Variants in DLGAP1 observed in about 807,000 individuals in gnomAD.
DLGAP1 encodes the protein disks large-associated protein 1.
A neutral mutation model predicts 90.8 loss-of-function variants in DLGAP1; 11 were observed. The observed-to-expected ratio is 0.12, with a 90% confidence interval of 0.08 to 0.20. The LOEUF is 0.20. Ranked by LOEUF, DLGAP1 falls within the 10% of genes least tolerant of loss-of-function variation. DLGAP1 has a pLI of 1.00. For missense variants in DLGAP1, 1,050 were observed against 1,333.8 expected (o/e 0.79, Z 3.31); for synonymous variants, 558 against 540.7 (o/e 1.03, Z -0.44).
At chr18:3,673,575 T>C (rs958846444) in intron 7 of DLGAP1, among the ~76,000 whole-genome samples, 8 of 152,072 alleles carry the variant, frequency 5.3e-5, no homozygotes, top group Non-Finnish European at 8.8e-5. Flanking sequence ...TTGGATGGAG[T>C]CTCACTCTTC....
chr18:3,800,347 G>C (rs937719311), intron 5 of DLGAP1, among the ~76,000 whole-genome samples: 2 of 152,092 alleles, frequency 1.3e-5, no homozygotes, highest in Admixed American at 1.3e-4. Context: ...GTTATAACTA[G>C]GCCTTTTTGT....
At chr18:3,575,719 C>T (rs2055083124) in intron 8 of DLGAP1, among the ~76,000 whole-genome samples, 1 of 152,150 alleles carries the variant, frequency 6.6e-6, no homozygotes, top group Non-Finnish European at 1.5e-5. Context: ...CTAAAGGTGC[C>T]TATGACTTTT....
Position 4,452,593 on chromosome 18 carries a change from T to C in DLGAP1, c.-267+2413A>G, listed in dbSNP as rs890231029. 4.6e-5 allele frequency among the ~76,000 whole-genome samples: 7 copies of C among 152,170 alleles called. No homozygotes were observed. In the East Asian group the frequency reaches 1.3e-3, roughly 29 times the overall value. On this transcript the variant is annotated intron_variant, in intron 1 of 12. Coordinates refer to ENST00000315677, the MANE Select transcript of DLGAP1 (RefSeq NM_004746.4). Reference sequence around the variant, plus strand: ...TTGGGTTGAATAGGACACTTAAGCTTAGAAGGATTTAAAAAGTAGAACACT... The same window carrying C: ...TTGGGTTGAATAGGACACTTAAGCTCAGAAGGATTTAAAAAGTAGAACACT...
At chr18:3,610,553 A>G (rs1475737817) in intron 7 of DLGAP1, among the ~76,000 whole-genome samples, 2 of 152,064 alleles carry the variant, frequency 1.3e-5, no homozygotes, top group Non-Finnish European at 2.9e-5. Context: ...GCATCAACTC[A>G]GCCAGGGGCA....
chr18:4,374,557 A>G (rs1195807638), intron 1 of DLGAP1, among the ~76,000 whole-genome samples: 3 of 152,020 alleles, frequency 2.0e-5, no homozygotes, highest in Non-Finnish European at 4.4e-5. Context: ...GTTGAAAAAG[A>G]GTAAAAAAAA....
chr18:4,262,903 A>T (rs1333656972), intron 1 of DLGAP1, among the ~76,000 whole-genome samples: 1 of 152,112 alleles, frequency 6.6e-6, no homozygotes, highest in Non-Finnish European at 1.5e-5. Context: ...GTAAGTATTC[A>T]CAATATTGCC....
chr18:3,931,885 T>G (rs532120973), intron 3 of DLGAP1, among the ~76,000 whole-genome samples: 6 of 152,322 alleles, frequency 3.9e-5, no homozygotes, highest in African/African-American at 1.2e-4. Flanking sequence ...AAAACCACCT[T>G]GGCCTTGATG....
At chr18:3,635,419 G>A (rs771537518) in intron 7 of DLGAP1, among the ~76,000 whole-genome samples, 8 of 151,382 alleles carry the variant, frequency 5.3e-5, no homozygotes, top group Admixed American at 6.6e-5. Flanking sequence ...GATTACAGGC[G>A]TGAGCCACCG....
chr18:4,269,660 T>C (rs1208727590), intron 1 of DLGAP1, among the ~76,000 whole-genome samples: 6 of 152,114 alleles, frequency 3.9e-5, no homozygotes, highest in African/African-American at 1.4e-4. Context: ...GGCCATATTC[T>C]ATTATTATTT....
intron 1 of DLGAP1, among the ~76,000 whole-genome samples, chr18:4,168,484 C>T (rs892184730): frequency 6.6e-6 from 1 of 152,130 alleles, no homozygotes; most frequent in Non-Finnish European, 1.5e-5. Context: ...GTCACCACCA[C>T]TATCTATATT....
At chr18:4,280,569 C>CT (rs2145426156) in intron 1 of DLGAP1, among the ~76,000 whole-genome samples, 1 of 152,322 alleles carries the variant, frequency 6.6e-6, no homozygotes, top group South Asian at 2.1e-4. Flanking sequence ...CAGTTCCACA[C>CT]TGTCCCTCTT....
At position 4,019,807 on chromosome 18, in the gene DLGAP1, G is replaced by A. The variant is rs530680985; in HGVS notation, c.-158-14606C>T. On this transcript the variant is annotated intron_variant, in intron 2 of 12. Transcript: ENST00000315677. ...GGAAACGAGACACATAGGCGCGCGC[G>A]TGTGCGCGCACACACACACACATAC... Among the ~76,000 whole-genome samples, 12 of 141,724 alleles carry A rather than the reference G, an allele frequency of 8.5e-5. No homozygotes were observed. The South Asian group carries it at 1.0e-3, about 12-fold the overall frequency. The allele number at this position is 141,724 out of a possible 152,430, so 93.0% of individuals were successfully genotyped here. A position where few individuals can be genotyped will look rare whatever the true frequency, so the allele number is the denominator to read the frequency against.
At chr18:4,393,077 T>A (rs1421128916) in intron 1 of DLGAP1, among the ~76,000 whole-genome samples, 1 of 152,226 alleles carries the variant, frequency 6.6e-6, no homozygotes, top group Non-Finnish European at 1.5e-5. Flanking sequence ...CACGTGGTTG[T>A]CAAATTCCTA....
chr18:4,340,942 T>C (rs1372760267), intron 1 of DLGAP1, among the ~76,000 whole-genome samples: 1 of 151,932 alleles, frequency 6.6e-6, no homozygotes, highest in East Asian at 1.9e-4. Context: ...AAAAATTATA[T>C]AAGGAAAATT....
chr18:3,714,825 G>A (rs111512127), intron 7 of DLGAP1, among the ~76,000 whole-genome samples: 39 of 151,900 alleles, frequency 2.6e-4, no homozygotes, highest in Non-Finnish European at 4.6e-4. Flanking sequence ...TAGTAGAGAC[G>A]GGGTTTCGCC....
intron 1 of DLGAP1, among the ~76,000 whole-genome samples, chr18:4,307,292 C>G (rs1397827286): frequency 1.3e-5 from 2 of 152,106 alleles, no homozygotes; most frequent in African/African-American, 4.8e-5. Flanking sequence ...CTTTTCCCTT[C>G]TGCTTGGATA....
intron 7 of DLGAP1, among the ~76,000 whole-genome samples, chr18:3,683,656 A>G (rs886710284): frequency 6.6e-6 from 1 of 152,182 alleles, no homozygotes; most frequent in African/African-American, 2.4e-5. Context: ...CAGACAAAGG[A>G]TTATCATCAT....
Position 3,957,894 on chromosome 18 carries a change from C to CT in DLGAP1, c.-73+47221dup, listed in dbSNP as rs1290209868. 7.6e-3 allele frequency among the ~76,000 whole-genome samples: 1,064 copies of CT among 139,240 alleles called. 12 individuals are homozygous for CT. The highest frequency in any genetic ancestry group is 0.019 in the African/African-American group (728 of 38,242). 91.3% of individuals were successfully genotyped at this position (139,240 alleles called of 152,430 possible). On this transcript the variant is annotated intron_variant, in intron 3 of 12. Transcript: ENST00000315677. ...TTTTTACATTCTTCCCTATTCCATA[C>CT]TTTTTTTTTTTTTTTTGAGATGGAG...
chr18:3,958,313 C>G (rs922323310), intron 3 of DLGAP1, among the ~76,000 whole-genome samples: 1 of 151,864 alleles, frequency 6.6e-6, no homozygotes, highest in African/African-American at 2.4e-5. Flanking sequence ...GTGCACTTGG[C>G]CTTAGTCCAT....
Sources: gnomAD v4.1 joint callset for allele counts (sites outside exome capture counted in the v4.1 genomes callset) on GRCh38, gnomAD v4.1.1 for gene constraint, MANE v1.5 for transcripts, NCBI Gene and HGNC (gene_info 2026-07-23, HGNC 2026-07-21) for gene names.